MSH5: variants seen among roughly 807,000 people sequenced by gnomAD.
The protein encoded by MSH5 is mutS protein homolog 5.
MSH5 carries 78 observed loss-of-function variants against 107.7 expected under a neutral mutation model. The ratio of observed to expected loss-of-function variants is 0.72; its 90% CI spans 0.60 to 0.87. The LOEUF (loss-of-function observed/expected upper bound fraction) is 0.87, where lower values mean the gene tolerates loss of function less well. Among genes scored for constraint, MSH5 ranks in the 40% least tolerant of loss-of-function variants. The pLI, the probability that MSH5 is intolerant of heterozygous loss-of-function variation, is 0.00. For missense variants in MSH5, 889 were observed against 1,046.6 expected (o/e 0.85, Z 2.08); for synonymous variants, 326 against 399.5 (o/e 0.82, Z 2.19).
chr6:31,758,626 T>C lies in MSH5; in HGVS notation c.1216+6T>C. ...AGATCCTGAAATTGATGAGAGTGAGTGTTGGGTGTGGATGGGCCTGTGAGC... is the reference window on the plus strand; with the variant it reads ...AGATCCTGAAATTGATGAGAGTGAGCGTTGGGTGTGGATGGGCCTGTGAGC... On this transcript the variant is annotated splice_donor_region_variant and intron_variant, in intron 14 of 24. Transcript: ENST00000375750. The surrounding 1 kb of genome is among the most constrained non-coding windows in gnomAD (Gnocchi z 5.1). The C allele has an allele frequency of 6.2e-7, 1 of 1,612,500 alleles. No individual in the cohort carries two copies. The highest frequency in any genetic ancestry group is 1.1e-5 in the South Asian group (1 of 91,056).
chr6:31,748,582 T>C (rs1809676409), intron 10 of MSH5, among the ~76,000 whole-genome samples: 1 of 151,884 alleles, frequency 6.6e-6, no homozygotes, highest in Non-Finnish European at 1.5e-5. Context: ...CTCCTGGTGA[T>C]CCGCCCACCT....
At position 31,740,253 on chromosome 6, in the gene MSH5, C is replaced by T; in HGVS notation, c.-14+191C>T. ...CCGCGTGACAGGAATGAGGGTGGGGCGCGTGGAGTTTCCCACAATCTGTAC... is the reference window on the plus strand; with the variant it reads ...CCGCGTGACAGGAATGAGGGTGGGGTGCGTGGAGTTTCCCACAATCTGTAC... On this transcript the variant is annotated intron_variant, in intron 1 of 24. Transcript: ENST00000375750. The surrounding 1 kb of genome is among the most constrained non-coding windows in gnomAD (Gnocchi z 4.4). 2 of 515,368 alleles carry T rather than the reference C, an allele frequency of 3.9e-6. No individual in the cohort carries two copies. Among genetic ancestry groups the T allele is most frequent in the Non-Finnish European group, 3.4e-6 (1 of 291,154 alleles). 31.9% of individuals were successfully genotyped at this position (515,368 alleles called of 1,614,324 possible).
At chr6:31,749,212 C>A (rs985300365) in intron 10 of MSH5, among the ~76,000 whole-genome samples, 2 of 152,144 alleles carry the variant, frequency 1.3e-5, no homozygotes, top group Non-Finnish European at 2.9e-5. Flanking sequence ...CTGTGCCCGG[C>A]CTGGAAAGTC....
Position 31,758,099 on chromosome 6 carries a change from T to C in MSH5, c.1015-66T>C, listed in dbSNP as rs1359203538. 1 of 1,598,526 alleles carries C rather than the reference T, an allele frequency of 6.3e-7. No homozygotes were observed. Among genetic ancestry groups the C allele is most frequent in the Admixed American group, 1.7e-5 (1 of 59,582 alleles). On this transcript the variant is annotated intron_variant, in intron 12 of 24. Transcript: ENST00000375750. The surrounding 1 kb of genome is among the most constrained non-coding windows in gnomAD (Gnocchi z 5.1). ...CTACTGGTCTTTGTTCTTCTGAGTC[T>C]GTCCCTATCACCACCTCAACCCGAG...
intron 8 of MSH5, among the ~76,000 whole-genome samples, chr6:31,744,828 T>C (rs377500062): frequency 6.6e-6 from 1 of 152,070 alleles, no homozygotes; most frequent in East Asian, 1.9e-4. Context: ...CAAGATATGA[T>C]CTCGGCTGGG....
Position 31,747,387 on chromosome 6 carries a change from G to T in MSH5, c.767G>T (p.Gly256Val). 1 of 1,613,032 alleles carries T rather than the reference G, an allele frequency of 6.2e-7. No individual in the cohort carries two copies. The highest frequency in any genetic ancestry group is 8.5e-7 in the Non-Finnish European group (1 of 1,180,014). ...SGLKEGLSLF[G>V]ILNRCHCKWG... ...TCACTCCCTGCCTTATCCCTCACAG[G>T]AATCCTCAACAGATGCCACTGTAAG... Residue 256 changes from glycine (G) to valine (V), a missense_variant and splice_region_variant, in exon 10 of 25, where the codon GGA becomes GTA. This residue lies in a region of MSH5 where 518 missense variants were observed against 565.0 expected (regional missense o/e 0.92). Coordinates refer to ENST00000375750, the MANE Select transcript of MSH5 (RefSeq NM_172166.4).
rs1220631009 is a variant in MSH5 at position 31,762,520 on chromosome 6, A to G, written c.2494A>G (p.Ser832Gly). 1.2e-6 allele frequency: 2 copies of G among 1,612,986 alleles called. No individual in the cohort carries two copies. The highest frequency in any genetic ancestry group is 4.5e-5 in the East Asian group (2 of 44,898). Reference sequence around the variant, plus strand: ...CCAGGAAGTGCTGCCTGCTGCCACCAGCATCCTCTGAGAGTCCTTCCAGTG... The same window carrying G: ...CCAGGAAGTGCTGCCTGCTGCCACCGGCATCCTCTGAGAGTCCTTCCAGTG... ...MSQEVLPAAT[S>G]IL The change falls in exon 25 of 25, where the codon AGC (serine) becomes GGC (glycine). Residue 832 changes from serine to glycine, a missense_variant. Ser to Gly is a moderately conservative substitution (Grantham distance 56). This residue lies in a region of MSH5 where 362 missense variants were observed against 456.2 expected (regional missense o/e 0.79). Coordinates refer to ENST00000375750, the MANE Select transcript of MSH5 (RefSeq NM_172166.4).
At position 31,758,337 on chromosome 6, in the gene MSH5, G is replaced by A; in HGVS notation, c.1143+44G>A. 1 of 1,608,334 alleles carries A rather than the reference G, an allele frequency of 6.2e-7. No homozygotes were observed. The highest frequency in any genetic ancestry group is 1.3e-5 in the African/African-American group (1 of 74,996). ...GGAGTGCACCCAGGGAGGTCAGGGA[G>A]AGAGAATGCAGTGTGCAAGATGGGG... On this transcript the variant is annotated intron_variant, in intron 13 of 24. Transcript: ENST00000375750. The surrounding 1 kb of genome is among the most constrained non-coding windows in gnomAD (Gnocchi z 5.1).
intron 23 of MSH5, 53 bp from the exon 24 acceptor site, chr6:31,762,059 C>T: frequency 1.2e-6 from 2 of 1,612,654 alleles, no homozygotes; most frequent in Non-Finnish European, 1.7e-6. Flanking sequence ...ACCCTTATTT[C>T]CCCTTCTCTT....
chr6:31,759,903 C>T lies in MSH5; in HGVS notation c.1613C>T (p.Ala538Val), dbSNP rs1254227017. 1 of 1,614,200 alleles carries T rather than the reference C, an allele frequency of 6.2e-7. No homozygotes were observed. The highest frequency in any genetic ancestry group is 8.5e-7 in the Non-Finnish European group (1 of 1,180,036). The change falls in exon 18 of 25, where the codon GCT becomes GTT. Residue 538 changes from alanine to valine, a missense_variant. Physicochemically the swap from Ala to Val is moderately conservative, Grantham distance 64. Coordinates refer to ENST00000375750, the MANE Select transcript of MSH5 (RefSeq NM_172166.4). The surrounding 1 kb of genome is among the most constrained non-coding windows in gnomAD (Gnocchi z 4.7). ...GACGTCCTGCTGGCTCTTGCCAGTG[C>T]TGCCCGGGACTATGGCTACTCAAGG... ...RLDVLLALASAARDYGYSRPR... is the reference protein window; with the variant it reads ...RLDVLLALASVARDYGYSRPR...
rs1808698401 is a variant in MSH5, at chr6:31,740,115, A to C, written c.-14+53A>C. 12 of 202,910 alleles carry C rather than the reference A, an allele frequency of 5.9e-5. No homozygotes were observed. Among genetic ancestry groups the C allele is most frequent in the East Asian group, 1.1e-4 (1 of 9,480 alleles). The allele number at this position is 202,910 out of a possible 1,614,324, so 12.6% of individuals were successfully genotyped here. A position where few individuals can be genotyped will look rare whatever the true frequency, so the allele number is the denominator to read the frequency against. On this transcript the variant is annotated intron_variant, in intron 1 of 24. Coordinates refer to ENST00000375750, the MANE Select transcript of MSH5 (RefSeq NM_172166.4). This position sits in a 1 kb window ranked among gnomAD's most constrained non-coding sequence, Gnocchi z 4.4. ...GATGGCGGCAGCTGGGGGAGGAGGA[A>C]GATAAGCGCGTGAGGCTGGGGTCCT...
rs776713339 is a variant in MSH5, at chr6:31,761,845, G to A, written c.2209G>A (p.Asp737Asn). ...CATGGAGACCTGTGAGGATGGCAAC[G>A]ATCTTGTCTTCTTCTATCAGGTTTG... ...LTMETCEDGN[D>N]LVFFYQVCEG... Residue 737 changes from aspartate to asparagine, a missense_variant, in exon 23 of 25, where the codon GAT (aspartate) becomes AAT (asparagine). Physicochemically the swap from Asp to Asn is conservative, Grantham distance 23 (BLOSUM62 1). Around this residue, in one of 3 missense-constraint regions of MSH5, gnomAD observed 362 missense variants for 456.2 expected, o/e 0.79. Coordinates refer to ENST00000375750, the MANE Select transcript of MSH5 (RefSeq NM_172166.4). The surrounding 1 kb of genome is among the most constrained non-coding windows in gnomAD (Gnocchi z 5.3). 6.2e-7 allele frequency: 1 copy of A among 1,613,042 alleles called. No homozygotes were observed. The highest frequency in any genetic ancestry group is 1.7e-5 in the Admixed American group (1 of 60,018).
Position 31,760,540 on chromosome 6 carries a change from G to C in MSH5, c.1813-150G>C. On this transcript the variant is annotated intron_variant, in intron 19 of 24. Coordinates refer to ENST00000375750, the MANE Select transcript of MSH5 (RefSeq NM_172166.4). This position sits in a 1 kb window ranked among gnomAD's most constrained non-coding sequence, Gnocchi z 5.6. Reference sequence around the variant, plus strand: ...GCCCACAGGGCTATGGTCAGGATTCGGGGAGGAGAGACAGAGTCAGTGTGT... The same window carrying C: ...GCCCACAGGGCTATGGTCAGGATTCCGGGAGGAGAGACAGAGTCAGTGTGT... 9.1e-7 allele frequency: 1 copy of C among 1,101,262 alleles called. No individual in the cohort carries two copies. The highest frequency in any genetic ancestry group is 1.3e-6 in the Non-Finnish European group (1 of 743,016). The allele number at this position is 1,101,262 out of a possible 1,614,324, so 68.2% of individuals were successfully genotyped here.
chr6:31,747,541 CTAGTAG>C (rs1036087162), intron 10 of MSH5, 109 bp downstream of exon 10: 1 of 1,133,846 alleles, frequency 8.8e-7, no homozygotes, highest in Non-Finnish European at 1.3e-6. Context: ...ACCACCCCAC[CTAGTAG>C]TAGTAAAGCA....
At chr6:31,751,818 G>T (rs577949612) in intron 10 of MSH5, among the ~76,000 whole-genome samples, 19 of 152,104 alleles carry the variant, frequency 1.2e-4, no homozygotes, top group Admixed American at 1.3e-4. Flanking sequence ...AATACAAATG[G>T]CCAGGCGCAG....
chr6:31,762,053 TTA>T, intron 23 of MSH5, 57 bp from the exon 24 acceptor site: 1 of 1,612,278 alleles, frequency 6.2e-7, no homozygotes, highest in Admixed American at 1.7e-5. Flanking sequence ...TTTCTGACCC[TTA>T]TTTCCCCTTC....
chr6:31,742,911 G>C lies in MSH5; in HGVS notation c.306G>C (p.Thr102=). 2 of 1,613,000 alleles carry C rather than the reference G, an allele frequency of 1.2e-6. No homozygotes were observed. Among genetic ancestry groups the C allele is most frequent in the Non-Finnish European group, 8.5e-7 (1 of 1,180,018 alleles). The stretch of plus-strand genomic sequence containing the variant: ...AGATCAATCCCCAGTCTGTTGTTAC[G>C]AGTGCCAAACAGGATGAGAATATGA... ...LDEINPQSVV[T]SAKQDENMTR... is the part of the protein sequence containing the mutation. The change falls in exon 4 of 25, where the codon ACG becomes ACC. Residue 102 remains threonine, a synonymous_variant. Transcript: ENST00000375750.
chr6:31,744,521 C>T (rs1362196729), intron 7 of MSH5, 25 bp from the exon 8 acceptor site: 1 of 1,613,496 alleles, frequency 6.2e-7, no homozygotes. Context: ...AGACTGCTTC[C>T]TGCTTTTTTG....
chr6:31,755,075 A>C (rs1288146354), intron 12 of MSH5, among the ~76,000 whole-genome samples: 1 of 152,190 alleles, frequency 6.6e-6, no homozygotes, highest in Non-Finnish European at 1.5e-5. Context: ...AATTTCTAAA[A>C]GAAAATTATT....
Sources: gnomAD v4.1 joint callset for allele counts (sites outside exome capture counted in the v4.1 genomes callset) on GRCh38, gnomAD v4.1.1 for gene constraint, gnomAD v4.1.1 regional missense constraint, Gnocchi (gnomAD v3.1) non-coding constraint, MANE v1.5 for transcripts, NCBI Gene and HGNC (gene_info 2026-07-23, HGNC 2026-07-21) for gene names.